The following STAB2 variants were observed in gnomAD, a reference collection of about 807,000 sequenced individuals.
The protein encoded by STAB2 is stabilin 2, also known as stabilin-2.
Under a neutral mutation model 338.1 loss-of-function variants are expected in STAB2, and 288 were observed. The ratio of observed to expected loss-of-function variants is 0.85; its 90% CI spans 0.77 to 0.94. The LOEUF (loss-of-function observed/expected upper bound fraction) is 0.94. Ranked by LOEUF, STAB2 falls within the 40% of genes least tolerant of loss-of-function variation. The probability of loss-of-function intolerance (pLI) is 0.00; values close to 1 mark genes in which losing one functional copy is unlikely to be tolerated. For synonymous variants in STAB2, 1,202 were observed against 1,193.3 expected (o/e 1.01, Z -0.15); for missense variants, 3,141 against 3,210.1 (o/e 0.98, Z 0.52).
intron 5 of STAB2, among the ~76,000 whole-genome samples, chr12:103,622,348 C>CAA (rs11432116): frequency 5.3e-5 from 8 of 151,982 alleles, no homozygotes; most frequent in Non-Finnish European, 7.4e-5. Context: ...GATTTATAGA[C>CAA]AAAAAAAGGG....
intron 3 of STAB2, among the ~76,000 whole-genome samples, chr12:103,598,850 C>G (rs1332867690): frequency 1.3e-5 from 2 of 152,156 alleles, no homozygotes; most frequent in Non-Finnish European, 2.9e-5. Flanking sequence ...ATGATAGACC[C>G]CATTCCCAAT....
intron 65 of STAB2, 50 bp downstream of exon 65, chr12:103,759,323 A>C (rs1467228884): frequency 1.9e-6 from 3 of 1,601,052 alleles, no homozygotes; most frequent in Non-Finnish European, 2.6e-6. Context: ...ATGCATGCAA[A>C]GTTCCTGGCA....
In STAB2 at chr12:103,594,414, A is replaced by G. The variant is rs1480308424; in HGVS notation, c.235A>G (p.Thr79Ala). 3 of 1,613,846 alleles carry G rather than the reference A, an allele frequency of 1.9e-6. No homozygotes were observed. Among genetic ancestry groups the G allele is most frequent in the South Asian group, 2.2e-5 (2 of 91,056 alleles). The change falls in exon 3 of 69, where the codon ACA (threonine) becomes GCA (alanine). Residue 79 changes from threonine to alanine, a missense_variant. Transcript: ENST00000388887. ...TCCAAGGTACACCTTTGAGGTCAGA[A>G]CATACTCTCTGTCTCTCCCCGGATG... is the stretch of plus-strand genomic sequence containing the variant. ...RDCRYTFEVR[T>A]YSLSLPGCRH...
At chr12:103,733,208 G>C in intron 51 of STAB2, 26 bp downstream of exon 51, 1 of 1,609,052 alleles carries the variant, frequency 6.2e-7, no homozygotes, top group Non-Finnish European at 8.5e-7. Context: ...GCAGACATAA[G>C]TGCAAGAATG....
At chr12:103,605,316 G>C (rs1957011142) in intron 3 of STAB2, among the ~76,000 whole-genome samples, 1 of 146,390 alleles carries the variant, frequency 6.8e-6, no homozygotes, top group East Asian at 2.0e-4. Flanking sequence ...TAAATTTATT[G>C]ACTTGTTTTA....
chr12:103,737,644 T>C lies in STAB2; in HGVS notation c.5561T>C (p.Phe1854Ser), dbSNP rs538642964. Reference sequence around the variant, plus strand: ...TTTTTTCTTTCTTAGGGTGACCTCTTTCTGAATGGCCAAACCTGCAGAATT... The same window carrying C: ...TTTTTTCTTTCTTAGGGTGACCTCTCTCTGAATGGCCAAACCTGCAGAATT... ...CGAGRDIGDL[F>S]LNGQTCRIVQ... The change falls in exon 53 of 69, where the codon TTT becomes TCT. Residue 1854 changes from phenylalanine to serine, a missense_variant. Physicochemically the swap from Phe to Ser is radical, Grantham distance 155. Coordinates refer to ENST00000388887, the MANE Select transcript of STAB2 (RefSeq NM_017564.10). 2.5e-6 allele frequency: 4 copies of C among 1,605,124 alleles called. No individual in the cohort carries two copies. Among genetic ancestry groups the C allele is most frequent in the Admixed American group, 1.7e-5 (1 of 59,208 alleles).
intron 3 of STAB2, among the ~76,000 whole-genome samples, chr12:103,597,568 A>G (rs1386282171): frequency 6.6e-6 from 1 of 152,146 alleles, no homozygotes; most frequent in African/African-American, 2.4e-5. Flanking sequence ...TCACTTGGGG[A>G]AAAAAATAAT....
At chr12:103,685,696 C>G (rs764760092) in intron 27 of STAB2, among the ~76,000 whole-genome samples, 16 of 152,148 alleles carry the variant, frequency 1.1e-4, no homozygotes, top group Non-Finnish European at 1.6e-4. Flanking sequence ...AAGTGCAGAG[C>G]CCAAATATTT....
intron 3 of STAB2, among the ~76,000 whole-genome samples, chr12:103,607,288 T>C (rs906410354): frequency 6.6e-6 from 1 of 152,182 alleles, no homozygotes; most frequent in Non-Finnish European, 1.5e-5. Flanking sequence ...ATACATATAT[T>C]AAAATGTTTG....
At chr12:103,683,605 A>G (rs1290887274) in intron 26 of STAB2, among the ~76,000 whole-genome samples, 1 of 152,194 alleles carries the variant, frequency 6.6e-6, no homozygotes, top group Non-Finnish European at 1.5e-5. Context: ...ATAATTACTC[A>G]TTTTTCACCT....
rs1372222231 is a variant in STAB2, at chr12:103,755,339, C to T, written c.6752C>T (p.Thr2251Ile). Residue 2251 changes from threonine to isoleucine, a missense_variant, in exon 62 of 69, where the codon ACC becomes ATC. Physicochemically the swap from Thr to Ile is moderately conservative, Grantham distance 89. Coordinates refer to ENST00000388887, the MANE Select transcript of STAB2 (RefSeq NM_017564.10). ...CTGTGCTCAGCAGGCTGGCTGGAGA[C>T]CGGGCGGGTTGCCTACCCCACAGCC... ...YHLCSAGWLE[T>I]GRVAYPTAFA... 1 of 1,614,008 alleles carries T rather than the reference C, an allele frequency of 6.2e-7. No individual in the cohort carries two copies. The highest frequency in any genetic ancestry group is 8.5e-7 in the Non-Finnish European group (1 of 1,180,032).
chr12:103,766,371 GC>G lies in STAB2; in HGVS notation c.*37del, dbSNP rs1270466562. 5 of 1,580,400 alleles carry G rather than the reference GC, an allele frequency of 3.2e-6. No homozygotes were observed. The highest frequency in any genetic ancestry group is 3.5e-5 in the Admixed American group (2 of 56,426). On this transcript the variant is annotated 3_prime_UTR_variant, in exon 69 of 69. Transcript: ENST00000388887. ...CGGGAGATGCCAGCCATCACTCACT[GC>G]CACCTGGGCCATCAACTGTGAATTC...
chr12:103,715,341 G>C (rs147716369), intron 42 of STAB2, among the ~76,000 whole-genome samples: 70 of 152,118 alleles, frequency 4.6e-4, no homozygotes, highest in African/African-American at 1.6e-3. Context: ...CTGATAAGCA[G>C]TCAGAGGAGA....
At chr12:103,706,670 C>A in intron 37 of STAB2, 122 bp from the exon 38 acceptor site, 1 of 1,315,310 alleles carries the variant, frequency 7.6e-7, no homozygotes, top group Non-Finnish European at 1.1e-6. Flanking sequence ...ACCCCTCACC[C>A]ACTCCATGTG....
intron 57 of STAB2, 69 bp downstream of exon 57, chr12:103,745,346 T>A: frequency 7.0e-7 from 1 of 1,418,514 alleles, no homozygotes. Flanking sequence ...AGCATACAAG[T>A]GAGGTTGGGA....
chr12:103,724,616 C>T (rs1439543937), intron 44 of STAB2, among the ~76,000 whole-genome samples: 1 of 152,148 alleles, frequency 6.6e-6, no homozygotes, highest in Non-Finnish European at 1.5e-5. Flanking sequence ...ATAATGGTTA[C>T]CTTTTCCTAT....
intron 52 of STAB2, among the ~76,000 whole-genome samples, chr12:103,736,213 T>C (rs1882110805): frequency 6.6e-6 from 1 of 152,212 alleles, no homozygotes; most frequent in African/African-American, 2.4e-5. Context: ...AGAGGTGCCT[T>C]CTCTTTCTGC....
chr12:103,694,426 C>T (rs1168225389), intron 31 of STAB2, among the ~76,000 whole-genome samples: 1 of 152,144 alleles, frequency 6.6e-6, no homozygotes, highest in Non-Finnish European at 1.5e-5. Context: ...TCCTCCAACA[C>T]AGGGGTTGGT....
At chr12:103,763,903 A>G in intron 68 of STAB2, 1 of 256,670 alleles carries the variant, frequency 3.9e-6, no homozygotes, top group East Asian at 7.5e-5. Context: ...AGTGAAAAAA[A>G]GTCTTGGGCT....
Sources: gnomAD v4.1 joint callset for allele counts (sites outside exome capture counted in the v4.1 genomes callset) on GRCh38, gnomAD v4.1.1 for gene constraint, MANE v1.5 for transcripts, NCBI Gene and HGNC (gene_info 2026-07-23, HGNC 2026-07-21) for gene names.